CYP4X1: variants seen among roughly 807,000 people sequenced by gnomAD.
The protein encoded by CYP4X1 is cytochrome P450 4X1.
In CYP4X1, 44 loss-of-function variants were observed where a neutral mutation model predicts 57.9. That is an observed-to-expected ratio of 0.76 (90% CI 0.60 to 0.98). The LOEUF (loss-of-function observed/expected upper bound fraction) is 0.98, where lower values mean the gene tolerates loss of function less well. CYP4X1 is among the 50% of genes least tolerant of loss of function. CYP4X1 has a pLI of 0.00. For missense variants in CYP4X1, 532 were observed against 623.9 expected (o/e 0.85, Z 1.57); for synonymous variants, 227 against 228.6 (o/e 0.99, Z 0.06).
At chr1:47,027,899 CTT>C (rs749165152) in intron 1 of CYP4X1, among the ~76,000 whole-genome samples, 14 of 152,092 alleles carry the variant, frequency 9.2e-5, no homozygotes, top group Non-Finnish European at 2.1e-4. Flanking sequence ...ACTGTATACT[CTT>C]TTGCTTGTTC....
chr1:47,052,631 C>T (rs1244357882), downstream of CYP4X1, among the ~76,000 whole-genome samples: 2 of 152,116 alleles, frequency 1.3e-5, no homozygotes, highest in Non-Finnish European at 2.9e-5. Context: ...TTTATGTTTA[C>T]ATAAATATTG....
chr1:47,011,647 A>G, the CYP4X1 span, among the ~76,000 whole-genome samples: 3 of 152,224 alleles, frequency 2.0e-5, no homozygotes, highest in Non-Finnish European at 4.4e-5. Context: ...AAAAATTTTT[A>G]CAATCTACCC....
intron 1 of CYP4X1, among the ~76,000 whole-genome samples, chr1:47,027,912 A>G (rs9793716): frequency 0.39 from 59,893 of 151,764 alleles, 12,883 homozygotes; most frequent in East Asian, 0.92. Context: ...TTGCTTGTTC[A>G]TTTATTATCC....
the CYP4X1 span, chr1:46,961,540 T>C: frequency 8.2e-7 from 1 of 1,212,860 alleles, no homozygotes. Context: ...GGGTGAGGTG[T>C]TCTTGGGAGA....
the CYP4X1 span, among the ~76,000 whole-genome samples, chr1:46,975,541 C>T: frequency 1.3e-5 from 2 of 152,222 alleles, no homozygotes; most frequent in East Asian, 3.9e-4. Context: ...TACTCTTAGC[C>T]TGATTAGGTT....
chr1:47,020,529 A>G (rs1023823863), upstream of CYP4X1, among the ~76,000 whole-genome samples: 7 of 152,218 alleles, frequency 4.6e-5, no homozygotes, highest in African/African-American at 1.7e-4. Context: ...AGCTACCTTA[A>G]AAGTACTTAA....
the CYP4X1 span, among the ~76,000 whole-genome samples, chr1:46,983,629 G>A: frequency 4.6e-5 from 7 of 152,298 alleles, no homozygotes; most frequent in Non-Finnish European, 1.0e-4. Context: ...AGGCAGGGAC[G>A]TGCATGGAAA....
chr1:47,004,623 CT>C, the CYP4X1 span, among the ~76,000 whole-genome samples: 8 of 151,432 alleles, frequency 5.3e-5, no homozygotes, highest in Non-Finnish European at 1.0e-4. Context: ...TTATTTATTT[CT>C]TTTTCTGTCT....
At chr1:47,021,466 T>C (rs546864947), upstream of CYP4X1, among the ~76,000 whole-genome samples, 1 of 152,314 alleles carries the variant, frequency 6.6e-6, no homozygotes, top group Admixed American at 6.5e-5. Flanking sequence ...AGAGAGTATC[T>C]AATTATCCCC....
intron 6 of CYP4X1, among the ~76,000 whole-genome samples, chr1:47,036,969 A>C (rs933932857): frequency 6.6e-6 from 1 of 152,188 alleles, no homozygotes; most frequent in East Asian, 1.9e-4. Flanking sequence ...ATATGCATAC[A>C]TGCACATAGA....
the CYP4X1 span, among the ~76,000 whole-genome samples, chr1:47,003,380 T>A: frequency 6.6e-6 from 1 of 152,324 alleles, no homozygotes; most frequent in African/African-American, 2.4e-5. Flanking sequence ...ACTGTATGGC[T>A]CAGAGGAGCT....
chr1:47,024,133 T>G, intron 1 of CYP4X1, 139 bp downstream of exon 1: 2 of 1,040,312 alleles, frequency 1.9e-6, no homozygotes, highest in Non-Finnish European at 2.7e-6. Context: ...CAGCCCGGCC[T>G]GTGGCTCTTA....
At chr1:47,011,136 A>C in the CYP4X1 span, among the ~76,000 whole-genome samples, 1 of 152,104 alleles carries the variant, frequency 6.6e-6, no homozygotes, top group African/African-American at 2.4e-5. Context: ...CTGGAGGCAT[A>C]ATGCTATCTG....
downstream of CYP4X1, among the ~76,000 whole-genome samples, chr1:47,054,000 A>G (rs1463157689): frequency 1.3e-5 from 2 of 151,816 alleles, no homozygotes; most frequent in Non-Finnish European, 2.9e-5. Context: ...GCCCATGCTT[A>G]TGTCCTGAAT....
chr1:47,016,321 A>C, the CYP4X1 span, among the ~76,000 whole-genome samples: 1 of 150,704 alleles, frequency 6.6e-6, no homozygotes. Context: ...GAAGCTGTAC[A>C]GGATTTTTTT....
At position 47,050,368 on chromosome 1, in the gene CYP4X1, G is replaced by T; in HGVS notation, c.*194G>T. The T allele has an allele frequency of 1.8e-6, 1 of 552,996 alleles. No homozygotes were observed. Among genetic ancestry groups the T allele is most frequent in the Non-Finnish European group, 3.1e-6 (1 of 319,368 alleles). The allele number at this position is 552,996 out of a possible 1,614,324, so 34.3% of individuals were successfully genotyped here. ...CTAGATCTGTTTCTATATAACTTTG[G>T]GAGATTTTCAGATCTTTTCTGTTAA... On this transcript the variant is annotated 3_prime_UTR_variant, in exon 12 of 12. Coordinates refer to ENST00000371901, the MANE Select transcript of CYP4X1 (RefSeq NM_178033.2).
intron 9 of CYP4X1, among the ~76,000 whole-genome samples, chr1:47,047,937 T>A (rs1355057423): frequency 6.6e-6 from 1 of 152,064 alleles, no homozygotes; most frequent in Admixed American, 6.6e-5. Flanking sequence ...CAGGAGTGCT[T>A]AATAGTCCAT....
rs1409029562 is a variant in CYP4X1, at chr1:47,038,688, C to T, written c.804C>T (p.Ser268=). Residue 268 remains serine, a synonymous_variant, in exon 7 of 12, where the codon TCC becomes TCT. Coordinates refer to ENST00000371901, the MANE Select transcript of CYP4X1 (RefSeq NM_178033.2). ...TDTIIQERKK[S]LQAGVKQDNT... ...CAATAATCCAGGAAAGAAAGAAATC[C>T]CTCCAGGCTGGGGTAAAGCAGGATA... 6.2e-7 allele frequency: 1 copy of T among 1,606,988 alleles called. No individual in the cohort carries two copies. Among genetic ancestry groups the T allele is most frequent in the Non-Finnish European group, 8.5e-7 (1 of 1,176,658 alleles).
chr1:46,988,130 G>T, the CYP4X1 span, among the ~76,000 whole-genome samples: 3 of 152,034 alleles, frequency 2.0e-5, no homozygotes, highest in South Asian at 2.1e-4. Flanking sequence ...AAAATATGTA[G>T]ACCACTAGCC....
Sources: gnomAD v4.1 joint callset for allele counts (sites outside exome capture counted in the v4.1 genomes callset) on GRCh38, gnomAD v4.1.1 for gene constraint, MANE v1.5 for transcripts, NCBI Gene and HGNC (gene_info 2026-07-23, HGNC 2026-07-21) for gene names.